The following AGBL1 variants were observed in gnomAD, a reference collection of about 807,000 sequenced individuals.
The protein encoded by AGBL1 is cytosolic carboxypeptidase 4.
Under a neutral mutation model 118.9 loss-of-function variants are expected in AGBL1, and 130 were observed. That is an observed-to-expected ratio of 1.09 (90% confidence interval 0.95 to 1.26). AGBL1 has a LOEUF of 1.26. Among genes scored for constraint, AGBL1 ranks in the 50% most tolerant of loss-of-function variants. AGBL1 has a pLI of 0.00. For synonymous variants in AGBL1, 555 were observed against 478.9 expected, an observed-to-expected ratio of 1.16 and a Z score of -2.08; for missense variants, 1,584 against 1,298.1, an observed-to-expected ratio of 1.22 and a Z score of -3.38.
At chr15:86,918,616 C>T (rs1217551228), downstream of AGBL1, among the ~76,000 whole-genome samples, 3 of 152,032 alleles carry the variant, frequency 2.0e-5, no homozygotes, top group African/African-American at 7.3e-5. Flanking sequence ...CTGTTTTCTC[C>T]CCCACGTACC....
intron 19 of AGBL1, among the ~76,000 whole-genome samples, chr15:86,534,441 G>T (rs2083395150): frequency 6.6e-6 from 1 of 152,160 alleles, no homozygotes. Context: ...CTTCTGCCCT[G>T]TGAAATTGAA....
intron 24 of AGBL1, among the ~76,000 whole-genome samples, chr15:87,006,672 C>T (rs1040967250): frequency 2.0e-5 from 3 of 152,146 alleles, no homozygotes; most frequent in Non-Finnish European, 4.4e-5. Flanking sequence ...TGCTTTGGCT[C>T]ATGCTTTGTG....
At chr15:86,966,443 T>C (rs2081053715) in intron 23 of AGBL1, among the ~76,000 whole-genome samples, 2 of 152,208 alleles carry the variant, frequency 1.3e-5, no homozygotes, top group Non-Finnish European at 2.9e-5. Context: ...TCATTTAACA[T>C]GAGGTATATC....
intron 18 of AGBL1, among the ~76,000 whole-genome samples, chr15:86,414,026 C>T (rs1311887860): frequency 6.6e-6 from 1 of 152,080 alleles, no homozygotes; most frequent in Non-Finnish European, 1.5e-5. Context: ...TTTGCTGCAA[C>T]ATTAATGGAA....
At chr15:86,129,140 G>T (rs2076786649) in intron 1 of AGBL1, among the ~76,000 whole-genome samples, 1 of 152,174 alleles carries the variant, frequency 6.6e-6, no homozygotes, top group Non-Finnish European at 1.5e-5. Flanking sequence ...TGAATATAAT[G>T]TCTCATTCTA....
At chr15:86,602,178 A>G (rs185311634) in intron 21 of AGBL1, among the ~76,000 whole-genome samples, 1 of 152,158 alleles carries the variant, frequency 6.6e-6, no homozygotes, top group African/African-American at 2.4e-5. Flanking sequence ...TGCCAGAGAA[A>G]ATCTAATCCT....
intron 1 of AGBL1, among the ~76,000 whole-genome samples, chr15:86,107,132 C>A (rs1321315751): frequency 6.6e-6 from 1 of 152,168 alleles, no homozygotes; most frequent in African/African-American, 2.4e-5. Context: ...TGTATGCACA[C>A]CAAGATCCAT....
intron 24 of AGBL1, among the ~76,000 whole-genome samples, chr15:87,028,458 C>T (rs1246518293): frequency 6.6e-6 from 1 of 151,890 alleles, no homozygotes; most frequent in African/African-American, 2.4e-5. Context: ...AACAATAATA[C>T]TTTAAGTGTA....
intron 1 of AGBL1, among the ~76,000 whole-genome samples, chr15:86,126,926 A>T (rs571809397): frequency 2.6e-5 from 4 of 152,286 alleles, no homozygotes; most frequent in African/African-American, 7.2e-5. Context: ...TGGGATGAAA[A>T]TCACAGTTGA....
chr15:86,511,667 T>A (rs1347865347), intron 18 of AGBL1, among the ~76,000 whole-genome samples: 1 of 151,952 alleles, frequency 6.6e-6, no homozygotes, highest in Non-Finnish European at 1.5e-5. Context: ...AGAATACATA[T>A]AGCAGTTAAT....
At chr15:86,572,763 A>C (rs1028740552) in intron 21 of AGBL1, among the ~76,000 whole-genome samples, 2 of 152,208 alleles carry the variant, frequency 1.3e-5, no homozygotes, top group Admixed American at 1.3e-4. Flanking sequence ...TCGCTGCTTC[A>C]GCCAGCATGA....
At position 86,949,953 on chromosome 15, in the gene AGBL1, T is replaced by G. The variant is rs1432736427; in HGVS notation, c.3222-38034T>G. ...AAGGAATGATTGTATGTAGAGTACG[T>G]TCTCTGATTACAGTGGAATCAAGCT... On this transcript the variant is annotated intron_variant, in intron 23 of 24. Coordinates refer to the AGBL1 transcript ENST00000441037. 5.3e-5 allele frequency among the ~76,000 whole-genome samples: 8 copies of G among 152,210 alleles called. No homozygotes were observed. In the East Asian group the frequency reaches 1.5e-3, roughly 29 times the overall value.
chr15:86,349,671 A>T (rs922247690), intron 17 of AGBL1, among the ~76,000 whole-genome samples: 1 of 152,218 alleles, frequency 6.6e-6, no homozygotes. Flanking sequence ...ACCTGTCTTT[A>T]CTTCTGTCAG....
intron 18 of AGBL1, among the ~76,000 whole-genome samples, chr15:86,407,401 T>A (rs1596076657): frequency 6.6e-6 from 1 of 152,158 alleles, no homozygotes; most frequent in Admixed American, 6.5e-5. Flanking sequence ...TAGACAATCA[T>A]CCTGGTGTCT....
In AGBL1 at chr15:86,205,939, A is replaced by G. The variant is rs188730315; in HGVS notation, c.489-18975A>G. Among the ~76,000 whole-genome samples the G allele has an allele frequency of 3.3e-5, 5 of 152,158 alleles. No individual in the cohort carries two copies. In the East Asian group the frequency reaches 7.7e-4, roughly 23 times the overall value. ...GGTTTGCTGCACCTATTAACTCGTC[A>G]TTTACATTAGGTATTTCTCCTAATG... On this transcript the variant is annotated intron_variant, in intron 5 of 22. Coordinates refer to ENST00000614907, the MANE Select transcript of AGBL1 (RefSeq NM_001386094.1).
At chr15:86,543,220 C>G (rs1283580411) in intron 19 of AGBL1, among the ~76,000 whole-genome samples, 4 of 148,530 alleles carry the variant, frequency 2.7e-5, no homozygotes, top group Non-Finnish European at 4.6e-5. Context: ...CAATATCTAT[C>G]TTTAATTAAT....
chr15:86,104,009 TGAG>T (rs1896885982), intron 1 of AGBL1, among the ~76,000 whole-genome samples: 1 of 151,996 alleles, frequency 6.6e-6, no homozygotes, highest in African/African-American at 2.4e-5. Context: ...CTGTGATGGG[TGAG>T]GAGGGCCAGT....
At chr15:87,006,034 T>C (rs953601134) in intron 24 of AGBL1, among the ~76,000 whole-genome samples, 3 of 152,242 alleles carry the variant, frequency 2.0e-5, no homozygotes, top group South Asian at 4.1e-4. Flanking sequence ...CAAAAGTTGC[T>C]GTCTGATCTT....
intron 18 of AGBL1, among the ~76,000 whole-genome samples, chr15:86,520,669 G>C (rs928043789): frequency 4.6e-5 from 7 of 152,128 alleles, no homozygotes; most frequent in Admixed American, 3.9e-4. Flanking sequence ...TATACAAGCA[G>C]AAATGCTTTT....
Sources: allele counts gnomAD v4.1 joint callset (sites outside exome capture counted in the v4.1 genomes callset), GRCh38; gene constraint gnomAD v4.1.1; transcripts MANE v1.5; gene names NCBI Gene and HGNC (gene_info 2026-07-23, HGNC 2026-07-21).